ESYT2: variants seen among roughly 807,000 people sequenced by gnomAD.
ESYT2 encodes extended synaptotagmin-2.
ESYT2 carries 54 observed loss-of-function variants against 107.2 expected under a neutral mutation model. The observed-to-expected ratio is 0.50, with a 90% CI of 0.40 to 0.63. The LOEUF is 0.63. Among genes scored for constraint, ESYT2 ranks in the 30% least tolerant of loss-of-function variants. The pLI, the probability that ESYT2 is intolerant of heterozygous loss-of-function variation, is 0.00. For synonymous variants in ESYT2, 491 were observed against 434.1 expected, an observed-to-expected ratio of 1.13 and a Z score of -1.63; for missense variants, 1,020 against 1,094.5, an observed-to-expected ratio of 0.93 and a Z score of 0.96.
At chr7:158,752,877 G>A in intron 13 of ESYT2, 34 bp from the exon 14 acceptor site, 1 of 1,257,682 alleles carries the variant, frequency 8.0e-7, no homozygotes. Flanking sequence ...TATGCCAAGG[G>A]TTAATAAAAC....
At position 158,753,581 on chromosome 7, in the gene ESYT2, A is replaced by G. The variant is rs3828950; in HGVS notation, c.1420-738T>C. On this transcript the variant is annotated intron_variant, in intron 13 of 22. Transcript: ENST00000275418. Reference sequence around the variant, plus strand: ...TGTAATTAACTTCAAACTTGTGACAAGCTGAACTAAATGTTTAATTTTTTT... The same window carrying G: ...TGTAATTAACTTCAAACTTGTGACAGGCTGAACTAAATGTTTAATTTTTTT... Among the ~76,000 whole-genome samples the G allele has an allele frequency of 4.3e-4, 66 of 152,028 alleles. No homozygotes were observed. In the East Asian group the frequency reaches 0.013, roughly 29 times the overall value.
intron 20 of ESYT2, among the ~76,000 whole-genome samples, chr7:158,736,606 C>CATT (rs10693990): frequency 0.24 from 36,524 of 151,290 alleles, 5,314 homozygotes; most frequent in East Asian, 0.59. Context: ...CCATTCTTTT[C>CATT]ATTATGTTTT....
At chr7:158,775,881 G>A (rs1305343212) in intron 6 of ESYT2, among the ~76,000 whole-genome samples, 1 of 152,204 alleles carries the variant, frequency 6.6e-6, no homozygotes, top group Non-Finnish European at 1.5e-5. Flanking sequence ...ATCACTGTCT[G>A]TGGCAGCTAT....
chr7:158,736,657 G>A (rs973775589), intron 20 of ESYT2, among the ~76,000 whole-genome samples: 12 of 151,948 alleles, frequency 7.9e-5, no homozygotes, highest in African/African-American at 2.4e-4. Context: ...TATGTCATAC[G>A]GTAAGATGTT....
At chr7:158,819,874 C>T (rs1171821593) in intron 1 of ESYT2, among the ~76,000 whole-genome samples, 1 of 152,152 alleles carries the variant, frequency 6.6e-6, no homozygotes, top group African/African-American at 2.4e-5. Context: ...GACAATTTTA[C>T]AAGTAATAAA....
Position 158,731,434 on chromosome 7 carries a change from T to TG in ESYT2, c.*2772dup, listed in dbSNP as rs1836744687. 6.6e-6 allele frequency: 1 copy of TG among 151,748 alleles called. No individual in the cohort carries two copies. The allele number at this position is 151,748 out of a possible 1,614,324, so 9.4% of individuals were successfully genotyped here. A position where few individuals can be genotyped will look rare whatever the true frequency, so the allele number is the denominator to read the frequency against. On this transcript the variant is annotated 3_prime_UTR_variant, in exon 23 of 23. Transcript: ENST00000275418. Reference sequence around the variant, plus strand: ...CTCCTGCCTCAGCCTCCCGAGTAGCTGGGACTACAGGCGTGCGCTCCACCA... The same window carrying TG: ...CTCCTGCCTCAGCCTCCCGAGTAGCTGGGGACTACAGGCGTGCGCTCCACCA...
chr7:158,800,973 TG>T (rs1839625030), intron 1 of ESYT2, among the ~76,000 whole-genome samples: 1 of 152,060 alleles, frequency 6.6e-6, no homozygotes. Flanking sequence ...TGCCAACCCT[TG>T]CCTGTGTGGT....
intron 1 of ESYT2, among the ~76,000 whole-genome samples, chr7:158,828,174 A>T (rs1416352664): frequency 6.6e-6 from 1 of 152,266 alleles, no homozygotes; most frequent in Non-Finnish European, 1.5e-5. Flanking sequence ...CTTTCGAGAG[A>T]CACTTACTGC....
At chr7:158,781,256 T>A (rs1200619585) in intron 6 of ESYT2, among the ~76,000 whole-genome samples, 1 of 151,444 alleles carries the variant, frequency 6.6e-6, no homozygotes, top group African/African-American at 2.4e-5. Context: ...AGAACCAGTG[T>A]GAGTGAACAA....
intron 15 of ESYT2, among the ~76,000 whole-genome samples, chr7:158,748,968 C>T (rs2129471625): frequency 1.3e-5 from 2 of 152,182 alleles, no homozygotes; most frequent in South Asian, 4.1e-4. Context: ...GTAATTCTAA[C>T]TGTATTGGTT....
intron 7 of ESYT2, among the ~76,000 whole-genome samples, chr7:158,768,976 G>A (rs1189201): frequency 0.82 from 125,287 of 152,224 alleles, 52,181 homozygotes; most frequent in Non-Finnish European, 0.89. Flanking sequence ...CCTAAGTTTC[G>A]TTGCTGTATA....
At chr7:158,798,226 T>A in intron 2 of ESYT2, 150 bp from the exon 3 acceptor site, 1 of 765,762 alleles carries the variant, frequency 1.3e-6, no homozygotes, top group Non-Finnish European at 2.0e-6. Flanking sequence ...CAACATGATC[T>A]AAATTCTAAA....
intron 1 of ESYT2, among the ~76,000 whole-genome samples, chr7:158,826,876 T>A (rs1193732666): frequency 7.0e-6 from 1 of 142,722 alleles, no homozygotes; most frequent in Non-Finnish European, 1.5e-5. Context: ...ATCTGTACAG[T>A]CTGTGTGGCC....
chr7:158,763,059 A>G, intron 10 of ESYT2, 24 bp downstream of exon 10: 17 of 1,589,620 alleles, frequency 1.1e-5, no homozygotes, highest in Non-Finnish European at 1.5e-5. Context: ...CCCTCCTCCA[A>G]TAACCACAAT....
chr7:158,764,002 G>A (rs1351155329), intron 9 of ESYT2, among the ~76,000 whole-genome samples: 2 of 152,146 alleles, frequency 1.3e-5, no homozygotes, highest in African/African-American at 4.8e-5. Flanking sequence ...CTACACATAC[G>A]TCAGTCCTTT....
intron 4 of ESYT2, among the ~76,000 whole-genome samples, chr7:158,788,696 A>C (rs1234949016): frequency 3.3e-5 from 5 of 152,244 alleles, no homozygotes; most frequent in African/African-American, 1.2e-4. Context: ...TAAAACACTT[A>C]ACTAAATATA....
At chr7:158,826,408 C>T (rs2129474464) in intron 1 of ESYT2, among the ~76,000 whole-genome samples, 1 of 152,214 alleles carries the variant, frequency 6.6e-6, no homozygotes, top group South Asian at 2.1e-4. Context: ...ACAAGTAAAA[C>T]ATTCTGGAGA....
chr7:158,760,678 C>T (rs186259657), intron 11 of ESYT2, among the ~76,000 whole-genome samples: 1 of 152,346 alleles, frequency 6.6e-6, no homozygotes, highest in Non-Finnish European at 1.5e-5. Flanking sequence ...ATTCCAAATA[C>T]TGAATTTCAG....
At chr7:158,828,721 A>G (rs1235435852) in intron 1 of ESYT2, among the ~76,000 whole-genome samples, 2 of 151,916 alleles carry the variant, frequency 1.3e-5, no homozygotes, top group East Asian at 3.9e-4. Context: ...CGGCGGCCCC[A>G]GGCGGACAGG....
Sources: gnomAD v4.1 joint callset for allele counts (sites outside exome capture counted in the v4.1 genomes callset) on GRCh38, gnomAD v4.1.1 for gene constraint, MANE v1.5 for transcripts, NCBI Gene and HGNC (gene_info 2026-07-23, HGNC 2026-07-21) for gene names.